GPR143: variants seen among roughly 807,000 people sequenced by gnomAD.
GPR143 encodes G-protein coupled receptor 143.
Under a neutral mutation model 27.6 loss-of-function variants are expected in GPR143, and 8 were observed. That is an observed-to-expected ratio of 0.29 (90% confidence interval 0.17 to 0.52). The LOEUF is 0.52. Among genes scored for constraint, GPR143 ranks in the 20% least tolerant of loss-of-function variants. GPR143 has a pLI of 0.96. For synonymous variants in GPR143, 156 were observed against 153.2 expected (o/e 1.02, Z -0.13); for missense variants, 303 against 343.1 (o/e 0.88, Z 0.92).
intron 1 of GPR143, among the ~76,000 whole-genome samples, chrX:9,771,358 G>A (rs1212848896): frequency 1.8e-5 from 2 of 111,757 alleles, no homozygotes; most frequent in Non-Finnish European, 3.8e-5. Context: ...ACCTCACCCA[G>A]ACCAAATTGT....
chrX:9,746,723 A>T (rs2083429945), intron 4 of GPR143, among the ~76,000 whole-genome samples: 1 of 110,700 alleles, frequency 9.0e-6, no homozygotes, highest in South Asian at 3.9e-4. Flanking sequence ...CATAGGAGTC[A>T]CTGGTCACCA....
intron 8 of GPR143, among the ~76,000 whole-genome samples, chrX:9,730,354 G>A (rs892259774): frequency 1.5e-4 from 10 of 65,553 alleles, no homozygotes; most frequent in Non-Finnish European, 2.5e-4. Flanking sequence ...ACTTCAAGGT[G>A]TTAAATTTGA....
rs752477509 is a variant in GPR143, at chrX:9,771,709, C to CTTTTTTTTTTTTTTTTTTTTTTTTT, written c.-2-10884_-2-10883insAAAAAAAAAAAAAAAAAAAAAAAAA. Among the ~76,000 whole-genome samples, 9 of 92,816 alleles carry CTTTTTTTTTTTTTTTTTTTTTTTTT rather than the reference C, an allele frequency of 9.7e-5. 3 individuals carry two copies. The highest frequency in any genetic ancestry group is 4.2e-5 in the Non-Finnish European group (2 of 48,102). The allele number at this position is 92,816 out of a possible 115,157, so 80.6% of individuals were successfully genotyped here. ...CCAACTAAGCCATGGAGCATTCTCTCTCTTTTTTTTTTTTTTTTGGATGGA... is the reference window on the plus strand; with the variant it reads ...CCAACTAAGCCATGGAGCATTCTCTCTTTTTTTTTTTTTTTTTTTTTTTTTTCTTTTTTTTTTTTTTTTGGATGGA... On this transcript the variant is annotated intron_variant, in intron 1 of 7. Transcript: ENST00000447366.
chrX:9,747,150 G>T (rs1435024783), intron 4 of GPR143, among the ~76,000 whole-genome samples: 1 of 109,946 alleles, frequency 9.1e-6, no homozygotes, highest in Non-Finnish European at 1.9e-5. Flanking sequence ...TAGCTGTAGA[G>T]GCTAAAATTC....
chrX:9,746,351 A>G (rs773187099), intron 4 of GPR143, among the ~76,000 whole-genome samples, 198 bp from the exon 5 acceptor site: 1 of 111,460 alleles, frequency 9.0e-6, no homozygotes, highest in Non-Finnish European at 1.9e-5. Context: ...AGGGAGATCA[A>G]CCATGTTTCT....
chrX:9,727,466 G>A (rs2083333150), intron 8 of GPR143, among the ~76,000 whole-genome samples: 1 of 113,024 alleles, frequency 8.8e-6, no homozygotes, highest in Non-Finnish European at 1.9e-5. Flanking sequence ...TGCAAGCTGG[G>A]TGGGCAGGCC....
chrX:9,769,152 A>G (rs1051333786), upstream of GPR143, among the ~76,000 whole-genome samples: 1 of 112,034 alleles, frequency 8.9e-6, no homozygotes, highest in Non-Finnish European at 1.9e-5. Flanking sequence ...TCGGTCTTTG[A>G]GTACATGAAG....
intron 3 of GPR143, among the ~76,000 whole-genome samples, chrX:9,752,259 A>G (rs757371778): frequency 1.8e-5 from 2 of 111,693 alleles, no homozygotes; most frequent in African/African-American, 3.3e-5. Flanking sequence ...GTAGAGATGG[A>G]GTCTTGCTAT....
chrX:9,742,632 T>C (rs1232495695), intron 6 of GPR143, among the ~76,000 whole-genome samples: 2 of 112,304 alleles, frequency 1.8e-5, no homozygotes, highest in African/African-American at 3.2e-5. Context: ...TTGCATTGGT[T>C]ACAGGTCTGT....
At chrX:9,739,216 A>G (rs1174652405) in intron 8 of GPR143, among the ~76,000 whole-genome samples, 2 of 112,409 alleles carry the variant, frequency 1.8e-5, no homozygotes, top group African/African-American at 6.5e-5. Flanking sequence ...AAAAAATCAC[A>G]TTTTTAGATC....
chrX:9,727,484 G>C (rs2083333279), intron 8 of GPR143, among the ~76,000 whole-genome samples: 1 of 113,091 alleles, frequency 8.8e-6, no homozygotes, highest in Non-Finnish European at 1.9e-5. Flanking sequence ...GCCATCTCCT[G>C]CAACAGGTAG....
chrX:9,729,053 C>A (rs759219928), intron 8 of GPR143, among the ~76,000 whole-genome samples: 8 of 110,808 alleles, frequency 7.2e-5, no homozygotes, highest in Non-Finnish European at 1.3e-4. Flanking sequence ...GGCCGTAGAT[C>A]GCCCAGCCAG....
chrX:9,764,543 C>G (rs1191688570), intron 1 of GPR143, among the ~76,000 whole-genome samples: 4 of 96,199 alleles, frequency 4.2e-5, no homozygotes, highest in African/African-American at 1.5e-4. Flanking sequence ...CACACACACA[C>G]AGAGCGAGAC....
rs762815553 is a variant in GPR143, at chrX:9,759,344, G to A, written c.443C>T (p.Ser148Leu). ...AVDAYLVIRR[S>L]AGLSTILLYH... is the part of the protein sequence containing the mutation. ...CCTCGGTGAATACCTCAGTCCTGCC[G>A]ATCTCCGGATCACCAGATAAGCATC... is the stretch of plus-strand genomic sequence containing the variant. Residue 148 changes from serine (S) to leucine (L), a missense_variant, in exon 3 of 9, where the codon TCG (serine) becomes TTG (leucine). Coordinates refer to ENST00000467482, the MANE Select transcript of GPR143 (RefSeq NM_000273.3). 1.4e-5 allele frequency: 17 copies of A among 1,177,295 alleles called. No homozygotes were observed. The highest frequency in any genetic ancestry group is 1.8e-5 in the Non-Finnish European group (16 of 867,884).
chrX:9,735,242 A>G (rs896790839), intron 8 of GPR143, among the ~76,000 whole-genome samples: 3 of 111,898 alleles, frequency 2.7e-5, no homozygotes, highest in African/African-American at 6.5e-5. Context: ...TAAAAACCTT[A>G]ACTGGCCTTT....
chrX:9,762,580 G>A (rs755657991), intron 1 of GPR143, among the ~76,000 whole-genome samples: 5 of 111,233 alleles, frequency 4.5e-5, no homozygotes, highest in Non-Finnish European at 7.5e-5. Context: ...CAAATGCTAC[G>A]TAATATACTA....
At chrX:9,760,857 T>A (rs1207486556) in intron 1 of GPR143, 31 bp from the exon 2 acceptor site, 7 of 777,612 alleles carry the variant, frequency 9.0e-6, no homozygotes. Flanking sequence ...ACTTTGTATC[T>A]GATCCTAATC....
chrX:9,762,894 C>A (rs777816385), intron 1 of GPR143, among the ~76,000 whole-genome samples: 1 of 111,529 alleles, frequency 9.0e-6, no homozygotes, highest in African/African-American at 3.3e-5. Context: ...CTTCTAAAGG[C>A]TAAAGGATAT....
intron 1 of GPR143, among the ~76,000 whole-genome samples, chrX:9,778,038 C>G (rs1303283109): frequency 3.6e-5 from 4 of 110,604 alleles, no homozygotes; most frequent in African/African-American, 1.3e-4. Flanking sequence ...TCACAGTGAG[C>G]TGAGATCGCG....
Sources: allele counts gnomAD v4.1 joint callset (sites outside exome capture counted in the v4.1 genomes callset), GRCh38; gene constraint gnomAD v4.1.1; transcripts MANE v1.5; gene names NCBI Gene and HGNC (gene_info 2026-07-23, HGNC 2026-07-21).